GFRA1: variants seen among roughly 807,000 people sequenced by gnomAD.
GFRA1 encodes GDNF family receptor alpha 1, also known as GDNF family receptor alpha-1.
GFRA1 carries 16 observed loss-of-function variants against 51.6 expected under a neutral mutation model. The ratio of observed to expected loss-of-function variants is 0.31; its 90% CI spans 0.21 to 0.47. GFRA1 has a LOEUF of 0.47. GFRA1 is among the 20% of genes least tolerant of loss of function. GFRA1 has a pLI of 1.00. For missense variants in GFRA1, 530 were observed against 594.3 expected (o/e 0.89, Z 1.13); for synonymous variants, 270 against 241.3 (o/e 1.12, Z -1.10).
At chr10:116,235,896 T>G (rs1399846341) in intron 4 of GFRA1, among the ~76,000 whole-genome samples, 1 of 152,152 alleles carries the variant, frequency 6.6e-6, no homozygotes, top group Non-Finnish European at 1.5e-5. Context: ...AAATTCGCCT[T>G]GCTGGCACAC....
At chr10:116,117,593 A>ATGGATGGATGGATGGATGGATGGG (rs1555152598) in intron 6 of GFRA1, among the ~76,000 whole-genome samples, 1 of 119,504 alleles carries the variant, frequency 8.4e-6, no homozygotes, top group Non-Finnish European at 2.0e-5. Flanking sequence ...GGATGGATGG[A>ATGGATGGATGGATGGATGGATGGG]TGGATGGGTG....
At chr10:116,072,289 A>C (rs767316164) in intron 9 of GFRA1, among the ~76,000 whole-genome samples, 2 of 152,202 alleles carry the variant, frequency 1.3e-5, no homozygotes, top group African/African-American at 2.4e-5. Context: ...GGGTAGAAGA[A>C]GCGAAGTCCA....
At chr10:116,093,636 G>A in intron 8 of GFRA1, 66 bp downstream of exon 8, 1 of 1,420,032 alleles carries the variant, frequency 7.0e-7, no homozygotes, top group Non-Finnish European at 9.9e-7. Flanking sequence ...AGGTACAAGA[G>A]GTACAGCTGG....
intron 9 of GFRA1, among the ~76,000 whole-genome samples, chr10:116,072,017 T>C (rs938617250): frequency 6.6e-6 from 1 of 152,138 alleles, no homozygotes; most frequent in African/African-American, 2.4e-5. Flanking sequence ...ATTCCTGTGT[T>C]TGTATAATTG....
chr10:116,057,991 TGTGTGTG>T lies in GFRA1; in HGVS notation c.*6400_*6406del, dbSNP rs1295386671. ...CTGGATCATATAGCCCTCCAATCAT[TGTGTGTG>T]TGTGTGTGTGTGTGTGTGTGTGTGT... On this transcript the variant is annotated 3_prime_UTR_variant, in exon 11 of 11. Coordinates refer to ENST00000355422, the MANE Select transcript of GFRA1 (RefSeq NM_005264.8). 1 of 6,626 alleles carries T rather than the reference TGTGTGTG, an allele frequency of 1.5e-4. No homozygotes were observed. Among genetic ancestry groups the T allele is most frequent in the Non-Finnish European group, 4.5e-4 (1 of 2,244 alleles). 0.4% of individuals were successfully genotyped at this position (6,626 alleles called of 1,614,324 possible).
rs116753362 is a variant in GFRA1 at position 116,076,959 on chromosome 10, G to A, written c.1198-11333C>T. 7.8e-3 allele frequency among the ~76,000 whole-genome samples: 1,191 copies of A among 152,184 alleles called. 12 individuals are homozygous for A. The highest frequency in any genetic ancestry group is 0.027 in the African/African-American group (1,120 of 41,498). ...ATATATGATAACACTTGTATTACTC[G>A]TAATGAGAATATATAATTAAATTAT... On this transcript the variant is annotated intron_variant, in intron 9 of 10. Transcript: ENST00000355422.
chr10:116,071,519 G>T (rs1955392060), intron 9 of GFRA1, among the ~76,000 whole-genome samples: 1 of 152,182 alleles, frequency 6.6e-6, no homozygotes, highest in Non-Finnish European at 1.5e-5. Flanking sequence ...GGTGCATAGT[G>T]AGTTGAAATA....
intron 5 of GFRA1, among the ~76,000 whole-genome samples, chr10:116,205,512 T>G (rs911447088): frequency 1.3e-5 from 2 of 150,890 alleles, no homozygotes; most frequent in Non-Finnish European, 3.0e-5. Flanking sequence ...GAGGCAGAGG[T>G]TGCAGTGAGC....
At chr10:116,122,869 G>C (rs1344164090) in intron 6 of GFRA1, among the ~76,000 whole-genome samples, 1 of 152,148 alleles carries the variant, frequency 6.6e-6, no homozygotes, top group African/African-American at 2.4e-5. Flanking sequence ...AAAAGCCCAG[G>C]TCTCCTGGCT....
chr10:116,085,905 G>A (rs1956081459), intron 9 of GFRA1, among the ~76,000 whole-genome samples: 1 of 152,190 alleles, frequency 6.6e-6, no homozygotes, highest in Non-Finnish European at 1.5e-5. Context: ...GAGGAACTAA[G>A]ACATGCGGCT....
At chr10:116,092,883 A>G (rs537282057) in intron 8 of GFRA1, among the ~76,000 whole-genome samples, 26 of 152,336 alleles carry the variant, frequency 1.7e-4, no homozygotes, top group African/African-American at 6.3e-4. Flanking sequence ...ATTTTCAAGT[A>G]TCTCAGCTGG....
intron 9 of GFRA1, among the ~76,000 whole-genome samples, chr10:116,075,274 T>C (rs1189817040): frequency 6.6e-6 from 1 of 152,168 alleles, no homozygotes; most frequent in East Asian, 1.9e-4. Context: ...AATTGGTCTA[T>C]TTTTGCAAGG....
chr10:116,237,722 A>G (rs1412444424), intron 4 of GFRA1, among the ~76,000 whole-genome samples: 1 of 152,158 alleles, frequency 6.6e-6, no homozygotes, highest in Non-Finnish European at 1.5e-5. Flanking sequence ...GCCATTTGTC[A>G]TCCTGCAAAG....
At chr10:116,258,038 G>C (rs2134741158) in intron 4 of GFRA1, among the ~76,000 whole-genome samples, 1 of 152,198 alleles carries the variant, frequency 6.6e-6, no homozygotes, top group Non-Finnish European at 1.5e-5. Flanking sequence ...TCTCTGACCG[G>C]CAACACCATC....
chr10:116,125,657 A>G, intron 5 of GFRA1, 100 bp from the exon 6 acceptor site: 1 of 923,014 alleles, frequency 1.1e-6, no homozygotes, highest in South Asian at 1.4e-5. Context: ...TGGCATTGCC[A>G]GCGGCTCTAG....
chr10:116,091,982 G>C (rs191884568), intron 8 of GFRA1, among the ~76,000 whole-genome samples: 1 of 152,314 alleles, frequency 6.6e-6, no homozygotes, highest in African/African-American at 2.4e-5. Context: ...AAGTTTTCCA[G>C]CCAGCATGAG....
At chr10:116,066,130 CTTGT>C (rs764674813) in intron 9 of GFRA1, among the ~76,000 whole-genome samples, 3 of 152,248 alleles carry the variant, frequency 2.0e-5, no homozygotes, top group South Asian at 4.1e-4. Context: ...CCTTCCTGGG[CTTGT>C]TTGTTTGTTC....
intron 5 of GFRA1, among the ~76,000 whole-genome samples, chr10:116,194,436 C>T (rs1217210061): frequency 1.3e-5 from 2 of 152,090 alleles, no homozygotes; most frequent in East Asian, 3.9e-4. Flanking sequence ...TCTAATTTAT[C>T]CTGAAGAAAT....
At chr10:116,167,628 A>G (rs1960606474) in intron 5 of GFRA1, among the ~76,000 whole-genome samples, 2 of 152,180 alleles carry the variant, frequency 1.3e-5, no homozygotes, top group Non-Finnish European at 2.9e-5. Flanking sequence ...GCACAAGCCT[A>G]AGACCAAAGC....
Sources: allele counts gnomAD v4.1 joint callset (sites outside exome capture counted in the v4.1 genomes callset), GRCh38; gene constraint gnomAD v4.1.1; transcripts MANE v1.5; gene names NCBI Gene and HGNC (gene_info 2026-07-23, HGNC 2026-07-21).